PLXDC2: variants seen among roughly 807,000 people sequenced by gnomAD.
PLXDC2 encodes plexin domain-containing protein 2.
Under a neutral mutation model 68.9 loss-of-function variants are expected in PLXDC2, and 40 were observed. The ratio of observed to expected loss-of-function variants is 0.58; its 90% CI spans 0.45 to 0.76. The LOEUF (loss-of-function observed/expected upper bound fraction) is 0.76. Among genes scored for constraint, PLXDC2 ranks in the 30% least tolerant of loss-of-function variants. PLXDC2 has a pLI of 0.00. For synonymous variants in PLXDC2, 243 were observed against 234.2 expected, an observed-to-expected ratio of 1.04 and a Z score of -0.34; for missense variants, 644 against 661.9, an observed-to-expected ratio of 0.97 and a Z score of 0.30.
At chr10:20,180,362 C>T (rs75407278) in intron 9 of PLXDC2, among the ~76,000 whole-genome samples, 4,868 of 152,100 alleles carry the variant, frequency 0.032, 84 homozygotes, top group Middle Eastern at 0.071. Context: ...TTTAATTAAT[C>T]GGTTTAACTA....
At chr10:19,820,445 CA>C (rs1836442235) in intron 1 of PLXDC2, among the ~76,000 whole-genome samples, 1 of 151,410 alleles carries the variant, frequency 6.6e-6, no homozygotes, top group Admixed American at 6.6e-5. Flanking sequence ...TCCTGGCTAA[CA>C]AGGTGAGACC....
chr10:19,959,400 T>TA (rs1025752513), intron 1 of PLXDC2, among the ~76,000 whole-genome samples: 7 of 152,172 alleles, frequency 4.6e-5, no homozygotes, highest in African/African-American at 1.7e-4. Flanking sequence ...AAAAAGCTAC[T>TA]AAAAAATAAT....
intron 12 of PLXDC2, among the ~76,000 whole-genome samples, chr10:20,229,937 G>A (rs1835338390): frequency 6.6e-6 from 1 of 152,080 alleles, no homozygotes; most frequent in South Asian, 2.1e-4. Context: ...GAAAAAAAAT[G>A]CAAAAACATA....
Position 20,254,361 on chromosome 10 carries a change from C to T in PLXDC2, c.1473+8856C>T, listed in dbSNP as rs1835716209. ...AAGAGTTTGGCATCTTGCTTTGCAG[C>T]TGCTGGATGGATTGCACTTGGGGAG... is the stretch of plus-strand genomic sequence containing the variant. On this transcript the variant is annotated intron_variant, in intron 13 of 13. Coordinates refer to ENST00000377252, the MANE Select transcript of PLXDC2 (RefSeq NM_032812.9). Among the ~76,000 whole-genome samples the T allele has an allele frequency of 2.0e-5, 3 of 152,178 alleles. 1 individual carries two copies. The highest frequency in any genetic ancestry group is 2.0e-4 in the Admixed American group (3 of 15,274).
intron 1 of PLXDC2, among the ~76,000 whole-genome samples, chr10:19,901,134 C>T (rs1315739010): frequency 6.6e-6 from 1 of 152,002 alleles, no homozygotes; most frequent in Non-Finnish European, 1.5e-5. Flanking sequence ...CTGCTATAAA[C>T]ATGTGTGTGC....
chr10:20,119,525 C>T (rs12413156), intron 4 of PLXDC2, among the ~76,000 whole-genome samples: 5 of 139,434 alleles, frequency 3.6e-5, no homozygotes, highest in African/African-American at 1.2e-4. Context: ...CATCAGTTAA[C>T]GCAGGAACCG....
intron 1 of PLXDC2, among the ~76,000 whole-genome samples, chr10:19,912,139 C>CTTT (rs1215487815): frequency 1.3e-5 from 2 of 152,164 alleles, no homozygotes; most frequent in Non-Finnish European, 2.9e-5. Context: ...CTTTGGTATT[C>CTTT]TAAAGGGAAT....
At chr10:19,839,879 T>C (rs907180817) in intron 1 of PLXDC2, among the ~76,000 whole-genome samples, 1 of 152,198 alleles carries the variant, frequency 6.6e-6, no homozygotes, top group Non-Finnish European at 1.5e-5. Flanking sequence ...GAAGGAAAAT[T>C]AACTTGCTTT....
intron 2 of PLXDC2, among the ~76,000 whole-genome samples, chr10:20,010,624 T>C (rs1050514934): frequency 2.0e-5 from 3 of 152,246 alleles, no homozygotes; most frequent in African/African-American, 7.2e-5. Context: ...TACTTATAGT[T>C]ATGGCATGAA....
intron 1 of PLXDC2, among the ~76,000 whole-genome samples, chr10:19,946,908 C>T (rs1833911052): frequency 6.6e-6 from 1 of 152,068 alleles, no homozygotes; most frequent in Admixed American, 6.6e-5. Flanking sequence ...GCTGCAGATA[C>T]AGATGGAGCT....
intron 4 of PLXDC2, among the ~76,000 whole-genome samples, chr10:20,122,332 G>C (rs1206593297): frequency 1.3e-5 from 2 of 152,136 alleles, no homozygotes; most frequent in Admixed American, 1.3e-4. Flanking sequence ...TGATTAAGAA[G>C]GGGACGGACT....
At chr10:19,975,606 C>T (rs917619865) in intron 1 of PLXDC2, among the ~76,000 whole-genome samples, 22 of 152,184 alleles carry the variant, frequency 1.4e-4, no homozygotes, top group Admixed American at 1.4e-3. Context: ...AATAAGAGCA[C>T]TATTTAGAGC....
intron 7 of PLXDC2, among the ~76,000 whole-genome samples, chr10:20,174,134 A>G (rs1287326388): frequency 3.7e-5 from 4 of 108,080 alleles, no homozygotes; most frequent in Admixed American, 2.2e-4. Flanking sequence ...TATGACAGGT[A>G]CTGTGCAAAG....
At chr10:20,247,632 A>T (rs1202385544) in intron 13 of PLXDC2, among the ~76,000 whole-genome samples, 2 of 152,128 alleles carry the variant, frequency 1.3e-5, no homozygotes, top group Non-Finnish European at 2.9e-5. Flanking sequence ...ATCTGCAGGG[A>T]TACACCCCTA....
At chr10:19,852,240 C>A (rs1455214699) in intron 1 of PLXDC2, among the ~76,000 whole-genome samples, 3 of 151,650 alleles carry the variant, frequency 2.0e-5, no homozygotes, top group African/African-American at 7.3e-5. Flanking sequence ...CCCATCTCTA[C>A]AACAAATTAA....
At chr10:19,845,129 T>C (rs978734292) in intron 1 of PLXDC2, among the ~76,000 whole-genome samples, 5 of 152,118 alleles carry the variant, frequency 3.3e-5, no homozygotes. Flanking sequence ...GTGGGGCAGG[T>C]CACTTCCCTT....
intron 13 of PLXDC2, among the ~76,000 whole-genome samples, chr10:20,262,470 C>T (rs754206087): frequency 5.3e-5 from 8 of 152,192 alleles, no homozygotes. Flanking sequence ...GGAGGTTAGA[C>T]TCCTGTATAT....
At chr10:19,869,248 A>G (rs1429708952) in intron 1 of PLXDC2, among the ~76,000 whole-genome samples, 1 of 151,946 alleles carries the variant, frequency 6.6e-6, no homozygotes, top group Non-Finnish European at 1.5e-5. Flanking sequence ...GTATGAAAAT[A>G]CGCCATCTCA....
intron 3 of PLXDC2, among the ~76,000 whole-genome samples, chr10:20,060,717 G>T (rs1468479134): frequency 1.3e-5 from 2 of 152,038 alleles, no homozygotes; most frequent in African/African-American, 2.4e-5. Context: ...TGTCTAGGTG[G>T]TTTCAAATGA....
Sources: allele counts gnomAD v4.1 joint callset (sites outside exome capture counted in the v4.1 genomes callset), GRCh38; gene constraint gnomAD v4.1.1; transcripts MANE v1.5; gene names NCBI Gene and HGNC (gene_info 2026-07-23, HGNC 2026-07-21).